The following FBXO15 variants were observed in gnomAD, a reference collection of about 807,000 sequenced individuals.
The protein encoded by FBXO15 is F-box protein 15, also known as F-box only protein 15.
FBXO15 carries 30 observed loss-of-function variants against 49.5 expected under a neutral mutation model. The ratio of observed to expected loss-of-function variants is 0.61; its 90% confidence interval spans 0.45 to 0.82. FBXO15 has a LOEUF of 0.82. Among genes scored for constraint, FBXO15 ranks in the 40% least tolerant of loss-of-function variants. The pLI is 0.00. For missense variants in FBXO15, 591 were observed against 631.5 expected, an observed-to-expected ratio of 0.94 and a Z score of 0.69; for synonymous variants, 250 against 232.7, an observed-to-expected ratio of 1.07 and a Z score of -0.68.
intron 8 of FBXO15, among the ~76,000 whole-genome samples, chr18:74,094,435 T>A: frequency 6.6e-6 from 1 of 152,142 alleles, no homozygotes; most frequent in South Asian, 2.1e-4. Flanking sequence ...TCCCGAGGCC[T>A]CCTTAAAAGC....
chr18:74,104,725 A>G (rs1913674157), intron 8 of FBXO15, among the ~76,000 whole-genome samples: 1 of 152,180 alleles, frequency 6.6e-6, no homozygotes, highest in Non-Finnish European at 1.5e-5. Context: ...CAATTTGGCA[A>G]AAGGATACAA....
intron 8 of FBXO15, among the ~76,000 whole-genome samples, chr18:74,105,679 C>T (rs971294620): frequency 2.6e-5 from 4 of 151,984 alleles, no homozygotes; most frequent in African/African-American, 9.7e-5. Flanking sequence ...AACTCCTGAC[C>T]TTGTGACCTG....
chr18:74,146,781 G>C (rs920056203), intron 1 of FBXO15, among the ~76,000 whole-genome samples: 1 of 151,844 alleles, frequency 6.6e-6, no homozygotes, highest in Non-Finnish European at 1.5e-5. Context: ...AGATTCAGGG[G>C]GAAAAAACAA....
chr18:74,093,077 G>A (rs945740741), intron 8 of FBXO15, among the ~76,000 whole-genome samples: 1 of 152,180 alleles, frequency 6.6e-6, no homozygotes. Context: ...TGGCAACACA[G>A]GGTGGGGGCA....
At chr18:74,109,696 G>A (rs1260653232) in intron 8 of FBXO15, among the ~76,000 whole-genome samples, 3 of 152,104 alleles carry the variant, frequency 2.0e-5, no homozygotes, top group African/African-American at 7.2e-5. Context: ...GGATGAAGCT[G>A]GAAACTATCA....
chr18:74,077,712 T>C (rs1028826474), intron 9 of FBXO15, among the ~76,000 whole-genome samples: 4 of 152,122 alleles, frequency 2.6e-5, no homozygotes, highest in African/African-American at 9.7e-5. Flanking sequence ...AAGCCAATAC[T>C]GAGGGCCAGC....
Position 74,085,475 on chromosome 18 carries a change from C to T in FBXO15, c.1139-3424G>A, listed in dbSNP as rs570127205. ...AGGTGTGGTGGCAGGCATCTGTAAT[C>T]CCAGCTACTCAGGAGGCTGAGGTGG... On this transcript the variant is annotated intron_variant, in intron 8 of 9. Coordinates refer to ENST00000419743, the MANE Select transcript of FBXO15 (RefSeq NM_001142958.2). 2.0e-4 allele frequency among the ~76,000 whole-genome samples: 30 copies of T among 152,248 alleles called. No individual in the cohort carries two copies. In the South Asian group the frequency reaches 6.0e-3, roughly 30 times the overall value.
intron 8 of FBXO15, among the ~76,000 whole-genome samples, chr18:74,096,010 C>T (rs1568162300): frequency 6.6e-6 from 1 of 152,120 alleles, no homozygotes; most frequent in East Asian, 1.9e-4. Flanking sequence ...ACACCCCTCC[C>T]CCGATTCTAC....
chr18:74,112,574 C>T (rs906616476), intron 8 of FBXO15, among the ~76,000 whole-genome samples: 7 of 152,150 alleles, frequency 4.6e-5, no homozygotes, highest in African/African-American at 1.7e-4. Context: ...GTGAGAAACT[C>T]GAAACTTTCT....
chr18:74,119,839 G>A (rs1166270558), intron 8 of FBXO15, among the ~76,000 whole-genome samples: 4 of 152,246 alleles, frequency 2.6e-5, no homozygotes, highest in East Asian at 1.9e-4. Context: ...GCTCTGTAAC[G>A]GTTCACAAGG....
At chr18:74,099,807 A>G (rs1201429460) in intron 8 of FBXO15, 1 of 152,230 alleles carries the variant, frequency 6.6e-6, no homozygotes, top group Non-Finnish European at 1.5e-5. Context: ...ACAGCAGTTT[A>G]AAAAGACAAA....
intron 5 of FBXO15, among the ~76,000 whole-genome samples, chr18:74,129,074 T>C (rs1978307627): frequency 6.6e-6 from 1 of 152,198 alleles, no homozygotes; most frequent in Non-Finnish European, 1.5e-5. Flanking sequence ...TACCATTTAC[T>C]AAAGAAGGAA....
At chr18:74,079,025 C>G (rs979797034) in intron 9 of FBXO15, among the ~76,000 whole-genome samples, 1 of 152,356 alleles carries the variant, frequency 6.6e-6, no homozygotes, top group Admixed American at 6.5e-5. Context: ...GCAGGCTCTA[C>G]TGAACTCAGC....
At chr18:74,142,200 G>A (rs1018193300) in intron 1 of FBXO15, among the ~76,000 whole-genome samples, 3 of 152,156 alleles carry the variant, frequency 2.0e-5, no homozygotes, top group Non-Finnish European at 4.4e-5. Context: ...AGGAAGACAG[G>A]GAGAAAGGAC....
rs572466325 is a variant in FBXO15 at position 74,130,763 on chromosome 18, A to T, written c.333-105T>A. On this transcript the variant is annotated intron_variant, in intron 3 of 9. Coordinates refer to ENST00000419743, the MANE Select transcript of FBXO15 (RefSeq NM_001142958.2). ...TATTTTCAAATAATCCAATTCCATG[A>T]ATAAGCCAAGCTGAATATTTACAGT... is the stretch of plus-strand genomic sequence containing the variant. The T allele has an allele frequency of 1.2e-5, 15 of 1,245,354 alleles. No homozygotes were observed. The South Asian group carries it at 1.7e-4, about 14-fold the overall frequency. 77.1% of individuals were successfully genotyped at this position (1,245,354 alleles called of 1,614,324 possible).
chr18:74,094,041 T>C (rs773043381), intron 8 of FBXO15, among the ~76,000 whole-genome samples: 1 of 152,242 alleles, frequency 6.6e-6, no homozygotes, highest in Non-Finnish European at 1.5e-5. Context: ...AGAATGGATG[T>C]TGCGTTAGCA....
intron 7 of FBXO15, among the ~76,000 whole-genome samples, 181 bp downstream of exon 7, chr18:74,124,308 A>T (rs1356411284): frequency 6.6e-6 from 1 of 152,246 alleles, no homozygotes; most frequent in Admixed American, 6.5e-5. Context: ...AAATAAAGCA[A>T]ATATGTACTC....
At chr18:74,122,619 A>T (rs1914521729) in intron 8 of FBXO15, 1 of 152,248 alleles carries the variant, frequency 6.6e-6, no homozygotes, top group Admixed American at 6.5e-5. Flanking sequence ...TTAATAATGA[A>T]GATATCTAGT....
chr18:74,122,676 G>A (rs1319344018), intron 8 of FBXO15: 1 of 151,980 alleles, frequency 6.6e-6, no homozygotes, highest in Non-Finnish European at 1.5e-5. Context: ...ACTAATAATG[G>A]GACAACCTGA....
Sources: gnomAD v4.1 joint callset for allele counts (sites outside exome capture counted in the v4.1 genomes callset) on GRCh38, gnomAD v4.1.1 for gene constraint, MANE v1.5 for transcripts, NCBI Gene and HGNC (gene_info 2026-07-23, HGNC 2026-07-21) for gene names.